The following ADGRL2 variants were observed in gnomAD, a reference collection of about 807,000 sequenced individuals.
ADGRL2 encodes the protein adhesion G protein-coupled receptor L2.
In ADGRL2, 44 loss-of-function variants were observed where a neutral mutation model predicts 157.4. That is an observed-to-expected ratio of 0.28 (90% CI 0.22 to 0.36). The LOEUF is 0.36. Ranked by LOEUF, ADGRL2 falls within the 10% of genes least tolerant of loss-of-function variation. The probability of loss-of-function intolerance (pLI) is 1.00; values close to 1 mark genes in which losing one functional copy is unlikely to be tolerated. For missense variants in ADGRL2, 1,510 were observed against 1,768.9 expected, an observed-to-expected ratio of 0.85 and a Z score of 2.63; for synonymous variants, 585 against 624.7, an observed-to-expected ratio of 0.94 and a Z score of 0.95.
At chr1:81,463,806 C>A (rs558916939) in intron 2 of ADGRL2, among the ~76,000 whole-genome samples, 3 of 152,150 alleles carry the variant, frequency 2.0e-5, no homozygotes, top group Admixed American at 6.6e-5. Flanking sequence ...AGTTTAAATT[C>A]TTTGCAGAAA....
chr1:81,419,192 T>C (rs2077083873), intron 1 of ADGRL2, among the ~76,000 whole-genome samples: 1 of 152,194 alleles, frequency 6.6e-6, no homozygotes, highest in Non-Finnish European at 1.5e-5. Flanking sequence ...AAGTCTTCTT[T>C]ATCTTTTTTT....
At chr1:81,309,028 A>T (rs1659544690) in intron 1 of ADGRL2, among the ~76,000 whole-genome samples, 2 of 152,142 alleles carry the variant, frequency 1.3e-5, no homozygotes, top group Non-Finnish European at 2.9e-5. Flanking sequence ...GAGTACAGTT[A>T]AAAAGATAAA....
At chr1:81,979,797 A>G in intron 17 of ADGRL2, 72 bp from the exon 18 acceptor site, 1 of 860,946 alleles carries the variant, frequency 1.2e-6, no homozygotes, top group East Asian at 2.4e-5. Context: ...ACATGGATCG[A>G]TACATTTGCA....
At chr1:81,481,708 C>T (rs1237167787) in intron 2 of ADGRL2, among the ~76,000 whole-genome samples, 1 of 144,046 alleles carries the variant, frequency 6.9e-6, no homozygotes, top group Non-Finnish European at 1.5e-5. Context: ...CACTTTTGGC[C>T]CCATTTACTG....
chr1:81,499,700 G>A (rs887200676), intron 2 of ADGRL2, among the ~76,000 whole-genome samples: 3 of 152,102 alleles, frequency 2.0e-5, no homozygotes, highest in Non-Finnish European at 4.4e-5. Context: ...TCCACTACTA[G>A]CAAGCCCCAA....
At chr1:81,464,504 T>A (rs2078009658) in intron 2 of ADGRL2, among the ~76,000 whole-genome samples, 1 of 152,150 alleles carries the variant, frequency 6.6e-6, no homozygotes, top group Non-Finnish European at 1.5e-5. Flanking sequence ...TTCCAGTCGT[T>A]ATGTAAATGA....
At chr1:81,459,812 GTATATA>G (rs71085362) in intron 2 of ADGRL2, among the ~76,000 whole-genome samples, 4 of 144,676 alleles carry the variant, frequency 2.8e-5, no homozygotes, top group East Asian at 2.1e-4. Context: ...GTATGTGTTT[GTATATA>G]TATATATATA....
intron 2 of ADGRL2, among the ~76,000 whole-genome samples, chr1:81,898,842 T>A (rs1476530529): frequency 6.6e-6 from 1 of 152,200 alleles, no homozygotes; most frequent in Admixed American, 6.5e-5. Context: ...TCCTTAAGTA[T>A]TTTTCTCATT....
chr1:81,961,665 G>A (rs184600485), intron 11 of ADGRL2, among the ~76,000 whole-genome samples: 1 of 151,528 alleles, frequency 6.6e-6, no homozygotes, highest in East Asian at 2.0e-4. Context: ...GCATCACTAC[G>A]CCCAGCTAAT....
intron 1 of ADGRL2, among the ~76,000 whole-genome samples, chr1:81,824,948 C>CCTCTCTCTCT (rs3046312): frequency 0.034 from 4,395 of 127,772 alleles, 159 homozygotes; most frequent in African/African-American, 0.077. Context: ...TTTTAATTCT[C>CCTCTCTCTCT]CTCTCTCTCT....
At chr1:81,557,566 T>C (rs1482927389) in intron 2 of ADGRL2, 1 of 151,740 alleles carries the variant, frequency 6.6e-6, no homozygotes, top group Non-Finnish European at 1.5e-5. Context: ...GAAAGAGCAT[T>C]CTGTCTTTCT....
intron 1 of ADGRL2, among the ~76,000 whole-genome samples, chr1:81,387,969 C>A (rs968508125): frequency 2.0e-5 from 3 of 152,008 alleles, no homozygotes; most frequent in African/African-American, 7.3e-5. Flanking sequence ...TAAATGATTT[C>A]TCTGGCCTAC....
At chr1:81,765,009 G>A (rs2086063628) in intron 2 of ADGRL2, among the ~76,000 whole-genome samples, 1 of 151,688 alleles carries the variant, frequency 6.6e-6, no homozygotes, top group Non-Finnish European at 1.5e-5. Flanking sequence ...TGTAAATAAG[G>A]GATTATATAT....
intron 2 of ADGRL2, among the ~76,000 whole-genome samples, chr1:81,555,256 A>G (rs996197819): frequency 1.3e-4 from 18 of 139,974 alleles, no homozygotes; most frequent in Admixed American, 7.2e-4. Context: ...GCTGGTCTCT[A>G]TTTCTTTTCT....
At chr1:81,985,042 T>C (rs1406056879) in intron 20 of ADGRL2, among the ~76,000 whole-genome samples, 3 of 152,018 alleles carry the variant, frequency 2.0e-5, no homozygotes, top group African/African-American at 4.8e-5. Context: ...GACAATAAAG[T>C]AACATGTTTT....
intron 2 of ADGRL2, among the ~76,000 whole-genome samples, chr1:81,483,014 T>C (rs1338563979): frequency 6.6e-6 from 1 of 152,076 alleles, no homozygotes; most frequent in African/African-American, 2.4e-5. Flanking sequence ...GGAGCTATTT[T>C]TTTATTTAAT....
chr1:81,724,048 A>T (rs1409635355), intron 1 of ADGRL2, among the ~76,000 whole-genome samples: 1 of 152,134 alleles, frequency 6.6e-6, no homozygotes, highest in Non-Finnish European at 1.5e-5. Context: ...TGGGCTAAAG[A>T]CAGGCTTTTT....
intron 1 of ADGRL2, among the ~76,000 whole-genome samples, chr1:81,721,419 G>A (rs1459294701): frequency 6.6e-6 from 1 of 152,028 alleles, no homozygotes; most frequent in Non-Finnish European, 1.5e-5. Flanking sequence ...GACCCAAATT[G>A]ATCTTGAACA....
At chr1:81,936,907 G>C in intron 4 of ADGRL2, 70 bp downstream of exon 4, 2 of 921,880 alleles carry the variant, frequency 2.2e-6, no homozygotes, top group East Asian at 2.4e-5. Flanking sequence ...GACTACACAT[G>C]TGAAAGAAGC....
Sources: gnomAD v4.1 joint callset for allele counts (sites outside exome capture counted in the v4.1 genomes callset) on GRCh38, gnomAD v4.1.1 for gene constraint, MANE v1.5 for transcripts, NCBI Gene and HGNC (gene_info 2026-07-23, HGNC 2026-07-21) for gene names.